Variants in PLCB4 observed in about 807,000 individuals in gnomAD.
PLCB4 encodes the protein phospholipase C beta 4.
In PLCB4, 77 loss-of-function variants were observed where a neutral mutation model predicts 178.8. The observed-to-expected ratio is 0.43, with a 90% CI of 0.36 to 0.52. The LOEUF (loss-of-function observed/expected upper bound fraction) is 0.52. Among genes scored for constraint, PLCB4 ranks in the 20% least tolerant of loss-of-function variants. The pLI is 0.00. For synonymous variants in PLCB4, 496 were observed against 490.8 expected, an observed-to-expected ratio of 1.01 and a Z score of -0.14; for missense variants, 1,024 against 1,453.4, an observed-to-expected ratio of 0.70 and a Z score of 4.80.
At chr20:9,212,688 C>T (rs1252031952) in intron 2 of PLCB4, among the ~76,000 whole-genome samples, 1 of 152,090 alleles carries the variant, frequency 6.6e-6, no homozygotes, top group Admixed American at 6.5e-5. Flanking sequence ...GGATGTTTTC[C>T]ATCACAAGGA....
intron 3 of PLCB4, among the ~76,000 whole-genome samples, chr20:9,219,391 C>G (rs765357644): frequency 6.6e-6 from 1 of 152,142 alleles, no homozygotes; most frequent in Non-Finnish European, 1.5e-5. Context: ...ATGGCATGAA[C>G]CCAGGAGGCG....
At chr20:9,458,321 C>T (rs2043182394) in intron 34 of PLCB4, among the ~76,000 whole-genome samples, 2 of 152,166 alleles carry the variant, frequency 1.3e-5, no homozygotes, top group Non-Finnish European at 2.9e-5. Flanking sequence ...AAGAGTTATT[C>T]CCCACTCTCT....
At chr20:9,354,599 G>A (rs1208193227) in intron 7 of PLCB4, among the ~76,000 whole-genome samples, 1 of 152,178 alleles carries the variant, frequency 6.6e-6, no homozygotes, top group African/African-American at 2.4e-5. Context: ...CGCTGATCAA[G>A]GGAACCACAC....
intron 27 of PLCB4, among the ~76,000 whole-genome samples, chr20:9,422,462 C>T (rs1440079598): frequency 6.6e-6 from 1 of 152,152 alleles, no homozygotes; most frequent in East Asian, 1.9e-4. Context: ...TTTTTTCCTT[C>T]CCTGGTATTT....
chr20:9,098,741 A>ATACGTG (rs139418572), intron 2 of PLCB4, among the ~76,000 whole-genome samples: 4 of 135,466 alleles, frequency 3.0e-5, no homozygotes, highest in Non-Finnish European at 6.1e-5. Context: ...ATATACATAT[A>ATACGTG]TGTGTGTGTG....
At chr20:9,107,126 T>G (rs1000083722) in intron 2 of PLCB4, among the ~76,000 whole-genome samples, 11 of 152,134 alleles carry the variant, frequency 7.2e-5, no homozygotes, top group African/African-American at 2.2e-4. Context: ...AGTTGTGTGT[T>G]TATTTGTGTG....
chr20:9,099,993 G>T (rs557492334), intron 2 of PLCB4, among the ~76,000 whole-genome samples: 190 of 152,284 alleles, frequency 1.2e-3, no homozygotes, highest in African/African-American at 4.4e-3. Flanking sequence ...GTGGATAAAA[G>T]TGTCATTTCT....
intron 3 of PLCB4, among the ~76,000 whole-genome samples, chr20:9,284,011 T>C (rs2094516364): frequency 6.6e-6 from 1 of 151,972 alleles, no homozygotes; most frequent in Non-Finnish European, 1.5e-5. Context: ...ACCCACTACG[T>C]GGCCCATATA....
At chr20:9,080,766 C>T (rs370534330) in intron 1 of PLCB4, among the ~76,000 whole-genome samples, 19 of 152,226 alleles carry the variant, frequency 1.2e-4, no homozygotes, top group Admixed American at 5.9e-4. Context: ...GACCTCTTGT[C>T]GGAGCTCCAG....
At chr20:9,444,350 T>C (rs960662577) in intron 32 of PLCB4, 107 bp downstream of exon 32, 75 of 662,832 alleles carry the variant, frequency 1.1e-4, no homozygotes, top group Non-Finnish European at 3.5e-5. Flanking sequence ...TAATAACTCA[T>C]TCTAACTGGT....
At chr20:9,239,940 G>T (rs1394393034) in intron 3 of PLCB4, among the ~76,000 whole-genome samples, 1 of 152,172 alleles carries the variant, frequency 6.6e-6, no homozygotes. Context: ...TGGAAGACTC[G>T]CAAGTCTGCT....
chr20:9,220,221 G>T (rs558697186), intron 3 of PLCB4, among the ~76,000 whole-genome samples: 14 of 152,218 alleles, frequency 9.2e-5, no homozygotes, highest in Non-Finnish European at 2.1e-4. Context: ...TTCAGGAAAA[G>T]AAAGTAAACA....
At chr20:9,414,685 G>A (rs1184591514) in intron 25 of PLCB4, among the ~76,000 whole-genome samples, 1 of 152,164 alleles carries the variant, frequency 6.6e-6, no homozygotes, top group East Asian at 1.9e-4. Context: ...TCTTGTGGGA[G>A]GACGCACCAC....
chr20:9,125,726 A>G (rs186648751), intron 2 of PLCB4, among the ~76,000 whole-genome samples: 1 of 152,320 alleles, frequency 6.6e-6, no homozygotes, highest in Admixed American at 6.5e-5. Flanking sequence ...AGCCCTATTG[A>G]TATTTGTGGG....
At chr20:9,263,227 G>A (rs2094315701) in intron 3 of PLCB4, among the ~76,000 whole-genome samples, 1 of 152,170 alleles carries the variant, frequency 6.6e-6, no homozygotes, top group Non-Finnish European at 1.5e-5. Context: ...GGGTGCCATG[G>A]ATAGCGTTGT....
intron 6 of PLCB4, 39 bp from the exon 7 acceptor site, chr20:9,338,855 G>C: frequency 6.4e-7 from 1 of 1,558,106 alleles, no homozygotes; most frequent in Non-Finnish European, 8.8e-7. Context: ...GCTCTGTGAT[G>C]TAACTTATTT....
chr20:9,375,771 G>GA (rs1252779285), intron 12 of PLCB4, among the ~76,000 whole-genome samples: 1 of 152,040 alleles, frequency 6.6e-6, no homozygotes. Context: ...CAATTCCACG[G>GA]AAAAACTGTT....
chr20:9,192,518 A>AT (rs1439596524), intron 2 of PLCB4, among the ~76,000 whole-genome samples: 2 of 143,446 alleles, frequency 1.4e-5, no homozygotes, highest in East Asian at 2.1e-4. Flanking sequence ...AGAGTCTTGA[A>AT]TTTTTTTTTC....
At chr20:9,280,489 G>T in intron 3 of PLCB4, 1 of 980,922 alleles carries the variant, frequency 1.0e-6, no homozygotes, top group Non-Finnish European at 1.2e-6. Flanking sequence ...GGGTGTCTCT[G>T]TCCTAATTTC....
Sources: allele counts gnomAD v4.1 joint callset (sites outside exome capture counted in the v4.1 genomes callset), GRCh38; gene constraint gnomAD v4.1.1; transcripts MANE v1.5; gene names NCBI Gene and HGNC (gene_info 2026-07-23, HGNC 2026-07-21).